HIVEP3: variants seen among roughly 807,000 people sequenced by gnomAD.
The protein encoded by HIVEP3 is transcription factor HIVEP3.
Under a neutral mutation model 152.8 loss-of-function variants are expected in HIVEP3, and 49 were observed. The observed-to-expected ratio is 0.32, with a 90% CI of 0.26 to 0.41. HIVEP3 has a LOEUF of 0.41. Ranked by LOEUF, HIVEP3 falls within the 10% of genes least tolerant of loss-of-function variation. HIVEP3 has a pLI of 1.00. For synonymous variants in HIVEP3, 1,269 were observed against 1,289.0 expected, an observed-to-expected ratio of 0.98 and a Z score of 0.33; for missense variants, 2,790 against 3,103.3, an observed-to-expected ratio of 0.90 and a Z score of 2.40.
intron 4 of HIVEP3, 113 bp from the exon 5 acceptor site, chr1:41,575,802 A>T: frequency 8.7e-7 from 1 of 1,153,088 alleles, no homozygotes; most frequent in Non-Finnish European, 1.2e-6. Context: ...CACATATGCA[A>T]TCTTCACACT....
chr1:41,513,947 C>T (rs1233376506), intron 7 of HIVEP3, among the ~76,000 whole-genome samples, 197 bp from the exon 8 acceptor site: 2 of 152,198 alleles, frequency 1.3e-5, no homozygotes, highest in African/African-American at 2.4e-5. Flanking sequence ...AACAATAATT[C>T]CCTTATGCCT....
chr1:41,806,216 AC>A (rs899365006), intron 1 of HIVEP3, among the ~76,000 whole-genome samples: 19 of 151,846 alleles, frequency 1.3e-4, no homozygotes, highest in African/African-American at 4.1e-4. Context: ...ACCAGCAGCC[AC>A]CCCCCAGGGC....
intron 1 of HIVEP3, among the ~76,000 whole-genome samples, chr1:41,831,371 T>C (rs1043855669): frequency 3.9e-5 from 6 of 152,212 alleles, no homozygotes; most frequent in Non-Finnish European, 4.4e-5. Context: ...TAGAATGTGA[T>C]GATCACTAGA....
chr1:41,871,489 A>G (rs542142899), intron 1 of HIVEP3, among the ~76,000 whole-genome samples: 6 of 152,332 alleles, frequency 3.9e-5, no homozygotes, highest in Admixed American at 6.5e-5. Flanking sequence ...TGCAGAAGTG[A>G]ACAGGAGTTG....
chr1:41,690,707 C>T (rs539218363), intron 2 of HIVEP3, among the ~76,000 whole-genome samples: 4 of 152,176 alleles, frequency 2.6e-5, no homozygotes, highest in Admixed American at 1.3e-4. Flanking sequence ...CACCTGAGGT[C>T]GGGAGTTCGA....
At position 41,518,852 on chromosome 1, in the gene HIVEP3, G is replaced by A. The variant is rs116431087; in HGVS notation, c.5384-364C>T. Among the ~76,000 whole-genome samples the A allele has an allele frequency of 5.2e-3, 723 of 138,436 alleles. 8 individuals are homozygous for A. Among genetic ancestry groups the A allele is most frequent in the African/African-American group, 0.018 (685 of 37,220 alleles). 90.8% of individuals were successfully genotyped at this position (138,436 alleles called of 152,430 possible). A position where few individuals can be genotyped will look rare whatever the true frequency, so the allele number is the denominator to read the frequency against. On this transcript the variant is annotated intron_variant, in intron 6 of 8. Coordinates refer to ENST00000372583, the MANE Select transcript of HIVEP3 (RefSeq NM_024503.5). ...TTTTTTTTGCTTCTGATTTAAGTCT[G>A]GCCCTAGTAGCTGGTGACACTCATC...
chr1:41,943,187 T>A (rs1645056711), intron 1 of HIVEP3, among the ~76,000 whole-genome samples: 1 of 152,126 alleles, frequency 6.6e-6, no homozygotes, highest in Non-Finnish European at 1.5e-5. Flanking sequence ...ATTACAGGCA[T>A]GAGCCACCAC....
intron 1 of HIVEP3, among the ~76,000 whole-genome samples, chr1:41,771,818 C>A (rs1055352797): frequency 6.6e-6 from 1 of 152,170 alleles, no homozygotes; most frequent in African/African-American, 2.4e-5. Flanking sequence ...GCACATGCCA[C>A]CATGCCCGGC....
intron 1 of HIVEP3, among the ~76,000 whole-genome samples, chr1:41,949,356 T>A (rs981054962): frequency 6.6e-6 from 1 of 152,224 alleles, no homozygotes; most frequent in African/African-American, 2.4e-5. Context: ...TACAAACTAT[T>A]TCAAGAACTA....
At chr1:41,772,849 T>C (rs1046383359) in intron 1 of HIVEP3, among the ~76,000 whole-genome samples, 10 of 152,156 alleles carry the variant, frequency 6.6e-5, no homozygotes, top group African/African-American at 2.4e-4. Context: ...CAGGTTGCAG[T>C]GAGCCGAGAT....
chr1:41,912,979 T>C (rs1390785754), intron 1 of HIVEP3, among the ~76,000 whole-genome samples: 3 of 152,230 alleles, frequency 2.0e-5, no homozygotes, highest in Non-Finnish European at 4.4e-5. Flanking sequence ...AATTTGTCTT[T>C]TCTCTGGAGC....
At chr1:41,571,205 C>A (rs1341106269) in intron 5 of HIVEP3, among the ~76,000 whole-genome samples, 1 of 152,206 alleles carries the variant, frequency 6.6e-6, no homozygotes, top group African/African-American at 2.4e-5. Context: ...GCTTGGTCAG[C>A]CAGGTGGTTC....
intron 1 of HIVEP3, among the ~76,000 whole-genome samples, chr1:41,734,803 G>C (rs969034182): frequency 6.6e-6 from 1 of 152,212 alleles, no homozygotes; most frequent in Non-Finnish European, 1.5e-5. Context: ...CACCAACGTG[G>C]GTGGCTGCTT....
intron 5 of HIVEP3, among the ~76,000 whole-genome samples, chr1:41,566,916 C>G (rs1644173066): frequency 6.6e-6 from 1 of 152,088 alleles, no homozygotes; most frequent in Non-Finnish European, 1.5e-5. Flanking sequence ...CCATCTCCCC[C>G]AAGATGGCCC....
intron 2 of HIVEP3, among the ~76,000 whole-genome samples, chr1:41,637,610 G>C (rs545870271): frequency 3.9e-5 from 6 of 152,334 alleles, no homozygotes; most frequent in Admixed American, 1.3e-4. Flanking sequence ...CAACGGGATG[G>C]TGAAAAGCAA....
chr1:41,640,128 A>G (rs1645349739), intron 2 of HIVEP3, among the ~76,000 whole-genome samples: 1 of 152,164 alleles, frequency 6.6e-6, no homozygotes, highest in Admixed American at 6.5e-5. Context: ...CAGGCACTGC[A>G]GGGACAAGGA....
chr1:41,584,659 C>A lies in HIVEP3; in HGVS notation c.139G>T (p.Glu47Ter). Residue 47 changes from glutamate to a stop codon, truncating the protein, a stop_gained, in exon 4 of 9, where the codon GAG becomes TAG. Transcript: ENST00000372583. LOFTEE classifies it high-confidence loss of function. The surrounding 1 kb of genome is among the most constrained non-coding windows in gnomAD (Gnocchi z 5.2). ...GCTAAGAGCTCTTGGGCGGGGCTCT[C>A]TTGGGTGGCAGCTGTGCCGCTGCCT... ...YPGSGTAATQ[E>*]SPAQELLAPQ... The A allele has an allele frequency of 6.3e-7, 1 of 1,593,626 alleles. No individual in the cohort carries two copies. Among genetic ancestry groups the A allele is most frequent in the South Asian group, 1.1e-5 (1 of 87,864 alleles).
chr1:41,562,546 C>T (rs1478927717), intron 5 of HIVEP3, among the ~76,000 whole-genome samples: 4 of 138,838 alleles, frequency 2.9e-5, no homozygotes, highest in East Asian at 3.9e-4. Context: ...TCCTTCCTTC[C>T]TTCCTTCCTT....
At chr1:41,650,338 C>T (rs1274808811) in intron 2 of HIVEP3, among the ~76,000 whole-genome samples, 1 of 152,130 alleles carries the variant, frequency 6.6e-6, no homozygotes, top group Non-Finnish European at 1.5e-5. Context: ...ACTGATCTCA[C>T]AGTCAGGGAA....
Sources: allele counts gnomAD v4.1 joint callset (sites outside exome capture counted in the v4.1 genomes callset), GRCh38; gene constraint gnomAD v4.1.1; non-coding constraint Gnocchi (gnomAD v3.1); transcripts MANE v1.5; gene names NCBI Gene and HGNC (gene_info 2026-07-23, HGNC 2026-07-21).